The following SULT1C3 variants were observed in gnomAD, a reference collection of about 807,000 sequenced individuals.
SULT1C3 encodes the protein sulfotransferase family 1C member 3.
In SULT1C3, 31 loss-of-function variants were observed where a neutral mutation model predicts 28.4. The observed-to-expected ratio is 1.09, with a 90% CI of 0.82 to 1.47. The LOEUF is 1.47. SULT1C3 is among the 40% of genes most tolerant of loss of function. The probability of loss-of-function intolerance (pLI) is 0.00; values close to 1 mark genes in which losing one functional copy is unlikely to be tolerated. For missense variants in SULT1C3, 307 were observed against 272.5 expected (o/e 1.13, Z -0.89); for synonymous variants, 106 against 92.2 (o/e 1.15, Z -0.86).
intron 4 of SULT1C3, 113 bp from the exon 5 acceptor site, chr2:108,255,459 C>G (rs1254499036): frequency 6.4e-6 from 8 of 1,243,800 alleles, no homozygotes. Flanking sequence ...ACTAATGTAT[C>G]TAATGCTATA....
intron 1 of SULT1C3, among the ~76,000 whole-genome samples, chr2:108,246,248 T>A (rs1389212694): frequency 6.6e-6 from 1 of 152,200 alleles, no homozygotes; most frequent in Non-Finnish European, 1.5e-5. Flanking sequence ...TGTTACCCAG[T>A]TCCAAAGTCA....
intron 3 of SULT1C3, among the ~76,000 whole-genome samples, chr2:108,252,869 G>C (rs1254499985): frequency 1.3e-5 from 2 of 152,010 alleles, no homozygotes; most frequent in Non-Finnish European, 2.9e-5. Flanking sequence ...GGAGAAGTAG[G>C]GGGGATATAC....
At chr2:108,254,699 GTGTA>G (rs1675817252) in intron 4 of SULT1C3, among the ~76,000 whole-genome samples, 1 of 147,380 alleles carries the variant, frequency 6.8e-6, no homozygotes. Context: ...GTGTGTGTGT[GTGTA>G]TATATATATG....
intron 1 of SULT1C3, among the ~76,000 whole-genome samples, chr2:108,245,188 T>C (rs561812283): frequency 7.2e-5 from 11 of 152,296 alleles, no homozygotes; most frequent in Admixed American, 5.9e-4. Flanking sequence ...CATGACCCTA[T>C]AAGTCATGGC....
At chr2:108,243,997 T>A (rs1675526212) in intron 1 of SULT1C3, among the ~76,000 whole-genome samples, 1 of 152,224 alleles carries the variant, frequency 6.6e-6, no homozygotes, top group South Asian at 2.1e-4. Flanking sequence ...AGTTTGTTAC[T>A]ATTATGTTGG....
downstream of SULT1C3, among the ~76,000 whole-genome samples, chr2:108,262,867 T>C (rs1444357238): frequency 6.6e-6 from 1 of 152,156 alleles, no homozygotes; most frequent in Non-Finnish European, 1.5e-5. Context: ...TTTATTTCTG[T>C]AACTGGTTAC....
At position 108,247,278 on chromosome 2, in the gene SULT1C3, G is replaced by A. The variant is rs568889515; in HGVS notation, c.84G>A (p.Thr28=). 1.7e-5 allele frequency: 27 copies of A among 1,595,936 alleles called. No homozygotes were observed. The highest frequency in any genetic ancestry group is 8.1e-5 in the African/African-American group (6 of 74,280). The stretch of plus-strand genomic sequence containing the variant: ...TCATGGAAGTAGATGGAGTCCCTAC[G>A]TTGATATTATCAAAAGAATGGTGGG... ...FNIMEVDGVP[T]LILSKEWWEK... The change falls in exon 2 of 8, where the codon ACG becomes ACA. Residue 28 remains threonine (T), a synonymous_variant. Coordinates refer to ENST00000681802, the MANE Select transcript of SULT1C3 (RefSeq NM_001320878.2).
intron 2 of SULT1C3, among the ~76,000 whole-genome samples, 188 bp from the exon 3 acceptor site, chr2:108,252,174 GATA>G (rs1183080330): frequency 2.0e-5 from 3 of 151,922 alleles, no homozygotes; most frequent in African/African-American, 7.2e-5. Context: ...TAGATAGATA[GATA>G]GATAGATAGA....
intron 7 of SULT1C3, among the ~76,000 whole-genome samples, 163 bp downstream of exon 7, chr2:108,259,309 G>T (rs1675961290): frequency 6.6e-6 from 1 of 152,064 alleles, no homozygotes; most frequent in African/African-American, 2.4e-5. Flanking sequence ...AATGTCAGTG[G>T]TTCTGAAACT....
At chr2:108,259,360 G>A (rs1469946501) in intron 7 of SULT1C3, among the ~76,000 whole-genome samples, 2 of 152,070 alleles carry the variant, frequency 1.3e-5, no homozygotes. Flanking sequence ...CTAAAGCTCT[G>A]ATTGCTGGTC....
At chr2:108,252,554 C>G in intron 3 of SULT1C3, 61 bp downstream of exon 3, 1 of 1,594,454 alleles carries the variant, frequency 6.3e-7, no homozygotes, top group South Asian at 1.1e-5. Flanking sequence ...GCAATGTGTA[C>G]TGTCTCTGAT....
At chr2:108,262,394 G>C (rs572100029), downstream of SULT1C3, among the ~76,000 whole-genome samples, 8 of 152,230 alleles carry the variant, frequency 5.3e-5, no homozygotes, top group Non-Finnish European at 2.9e-5. Context: ...TGTCAATAAA[G>C]ACATTTCCTG....
Position 108,258,991 on chromosome 2 carries a change from T to C in SULT1C3, c.647T>C (p.Val216Ala). Residue 216 changes from valine (V) to alanine (A), a missense_variant, in exon 7 of 8, where the codon GTG becomes GCG. By Grantham distance (64) the Val-to-Ala change is moderately conservative (BLOSUM62 0). Transcript: ENST00000681802. ...AATCCAAAACATGAGATCCACAAGG[T>C]GTTGGAATTCTTGGAGAAAACTTGG... ...KKNPKHEIHK[V>A]LEFLEKTWSG... 1.5e-6 allele frequency: 1 copy of C among 680,824 alleles called. No individual in the cohort carries two copies. Among genetic ancestry groups the C allele is most frequent in the Admixed American group, 2.2e-5 (1 of 44,856 alleles). The allele number at this position is 680,824 out of a possible 1,614,324, so 42.2% of individuals were successfully genotyped here.
intron 1 of SULT1C3, among the ~76,000 whole-genome samples, chr2:108,241,492 T>C (rs1675459859): frequency 6.6e-6 from 1 of 152,224 alleles, no homozygotes; most frequent in Admixed American, 6.5e-5. Flanking sequence ...ATCAGCAATA[T>C]TCCAAGCAAA....
chr2:108,259,687 A>C (rs1240295541), intron 7 of SULT1C3, among the ~76,000 whole-genome samples: 1 of 152,132 alleles, frequency 6.6e-6, no homozygotes, highest in Non-Finnish European at 1.5e-5. Flanking sequence ...ACTAGAACCT[A>C]GTATAGAGAC....
At chr2:108,261,930 A>G (rs147514905), downstream of SULT1C3, among the ~76,000 whole-genome samples, 1 of 152,272 alleles carries the variant, frequency 6.6e-6, no homozygotes, top group African/African-American at 2.4e-5. Context: ...AAAAGAGAGC[A>G]GCTGGTCCCT....
chr2:108,244,248 T>G (rs1675530834), intron 1 of SULT1C3, among the ~76,000 whole-genome samples: 1 of 152,144 alleles, frequency 6.6e-6, no homozygotes, highest in African/African-American at 2.4e-5. Flanking sequence ...GGTAAGAAAT[T>G]TTTACCCTTT....
chr2:108,257,545 C>T (rs1031588862), intron 5 of SULT1C3, among the ~76,000 whole-genome samples: 1 of 151,774 alleles, frequency 6.6e-6, no homozygotes, highest in Non-Finnish European at 1.5e-5. Flanking sequence ...TTTTAGTCAC[C>T]CACAATCAAC....
chr2:108,257,937 T>C (rs1675917356), intron 5 of SULT1C3, among the ~76,000 whole-genome samples: 1 of 152,044 alleles, frequency 6.6e-6, no homozygotes, highest in African/African-American at 2.4e-5. Context: ...TTCAAGTCAC[T>C]GCAAACTTAC....
Sources: allele counts gnomAD v4.1 joint callset (sites outside exome capture counted in the v4.1 genomes callset), GRCh38; gene constraint gnomAD v4.1.1; transcripts MANE v1.5; gene names NCBI Gene and HGNC (gene_info 2026-07-23, HGNC 2026-07-21).